Variants in EXOC4 observed in about 807,000 individuals in gnomAD.
EXOC4 encodes the protein exocyst complex component 4, also known as SEC8-like 1.
A neutral mutation model predicts 107.2 loss-of-function variants in EXOC4; 71 were observed. That is an observed-to-expected ratio of 0.66 (90% CI 0.55 to 0.81). The LOEUF is 0.81. Among genes scored for constraint, EXOC4 ranks in the 30% least tolerant of loss-of-function variants. EXOC4 has a pLI of 0.00. For missense variants in EXOC4, 1,108 were observed against 1,189.6 expected, an observed-to-expected ratio of 0.93 and a Z score of 1.01; for synonymous variants, 456 against 441.2, an observed-to-expected ratio of 1.03 and a Z score of -0.42.
intron 9 of EXOC4, chr7:133,480,406 A>G (rs1799126908): frequency 8.1e-7 from 1 of 1,236,744 alleles, no homozygotes; most frequent in African/African-American, 1.5e-5. Context: ...CTTAAACAGA[A>G]GACCTGAGTC....
At chr7:133,478,749 A>G (rs1236924122) in intron 8 of EXOC4, among the ~76,000 whole-genome samples, 3 of 152,114 alleles carry the variant, frequency 2.0e-5, no homozygotes, top group African/African-American at 7.2e-5. Context: ...GTGCCTCTCT[A>G]TTCTTTGCTT....
chr7:133,655,420 A>T (rs188685878), intron 10 of EXOC4, among the ~76,000 whole-genome samples: 6 of 152,300 alleles, frequency 3.9e-5, no homozygotes, highest in Admixed American at 2.6e-4. Context: ...GTATAATAGA[A>T]CACCTGAACA....
intron 9 of EXOC4, among the ~76,000 whole-genome samples, chr7:133,590,971 G>GGCTGATACAGGGCTCAGCCCT: frequency 1.3e-5 from 2 of 152,254 alleles, no homozygotes; most frequent in African/African-American, 4.8e-5. Context: ...ACTGCTACAT[G>GGCTGATACAGGGCTCAGCCCT]GCTGATACAG....
At chr7:133,298,071 A>G (rs1794558668) in intron 3 of EXOC4, among the ~76,000 whole-genome samples, 1 of 152,152 alleles carries the variant, frequency 6.6e-6, no homozygotes, top group Admixed American at 6.5e-5. Context: ...GAACTTGATG[A>G]TGGTCTGAGA....
chr7:133,314,908 A>G (rs914515980), intron 4 of EXOC4: 1 of 152,218 alleles, frequency 6.6e-6, no homozygotes, highest in Non-Finnish European at 1.5e-5. Flanking sequence ...TAGCAGTACC[A>G]TAAACCTGTG....
At chr7:133,708,615 A>G (rs1406262314) in intron 10 of EXOC4, among the ~76,000 whole-genome samples, 1 of 152,178 alleles carries the variant, frequency 6.6e-6, no homozygotes, top group Non-Finnish European at 1.5e-5. Context: ...CTTCCCGTTC[A>G]TTCTCTCATT....
At chr7:134,072,843 C>G in the EXOC4 span, among the ~76,000 whole-genome samples, 1 of 152,122 alleles carries the variant, frequency 6.6e-6, no homozygotes, top group Non-Finnish European at 1.5e-5. Flanking sequence ...TTCAGACACA[C>G]TATCAAGAAA....
intron 9 of EXOC4, among the ~76,000 whole-genome samples, chr7:133,592,051 C>T (rs1009592877): frequency 2.0e-5 from 3 of 151,818 alleles, no homozygotes; most frequent in Non-Finnish European, 4.4e-5. Flanking sequence ...TCTTTGCAGG[C>T]ATTTCTTTTC....
At chr7:133,553,755 AT>A (rs1268959048) in intron 9 of EXOC4, among the ~76,000 whole-genome samples, 1 of 152,028 alleles carries the variant, frequency 6.6e-6, no homozygotes, top group Non-Finnish European at 1.5e-5. Flanking sequence ...ACCGAATTTG[AT>A]TTTCTGTTGT....
At chr7:133,579,396 A>G (rs1451784045) in intron 9 of EXOC4, among the ~76,000 whole-genome samples, 1 of 152,190 alleles carries the variant, frequency 6.6e-6, no homozygotes, top group Non-Finnish European at 1.5e-5. Flanking sequence ...CAGTATGTAT[A>G]TCTTTTGGTG....
At chr7:133,917,514 G>A in intron 12 of EXOC4, 69 bp from the exon 13 acceptor site, 1 of 1,477,500 alleles carries the variant, frequency 6.8e-7, no homozygotes, top group South Asian at 1.3e-5. Flanking sequence ...TGCAGCAAAG[G>A]TAGATGAAAA....
intron 9 of EXOC4, among the ~76,000 whole-genome samples, chr7:133,599,348 G>T (rs531576236): frequency 6.6e-6 from 1 of 152,140 alleles, no homozygotes; most frequent in Non-Finnish European, 1.5e-5. Flanking sequence ...ATACAGCTGG[G>T]CATTATCTTT....
At chr7:133,591,220 T>C (rs1023593287) in intron 9 of EXOC4, among the ~76,000 whole-genome samples, 1 of 152,132 alleles carries the variant, frequency 6.6e-6, no homozygotes, top group Non-Finnish European at 1.5e-5. Flanking sequence ...TTTTTGGAGA[T>C]GGAATCTCAC....
At chr7:133,262,441 A>G (rs947245123) in intron 1 of EXOC4, among the ~76,000 whole-genome samples, 2 of 152,124 alleles carry the variant, frequency 1.3e-5, no homozygotes, top group African/African-American at 4.8e-5. Context: ...GTAATAAGGG[A>G]AAATTCTTGT....
At chr7:133,823,888 A>AT (rs1797622513) in intron 11 of EXOC4, among the ~76,000 whole-genome samples, 3 of 22,204 alleles carry the variant, frequency 1.4e-4, no homozygotes, top group African/African-American at 6.2e-4. Context: ...ATATATATAT[A>AT]TATATTTTAT....
At chr7:133,261,595 G>A (rs1001365915) in intron 1 of EXOC4, among the ~76,000 whole-genome samples, 4 of 152,096 alleles carry the variant, frequency 2.6e-5, no homozygotes, top group African/African-American at 9.7e-5. Flanking sequence ...ATGGTGGTTG[G>A]TTTTGGATAT....
At chr7:133,661,672 TAAAAAAAAAAAAAAAAC>T (rs936470050) in intron 10 of EXOC4, among the ~76,000 whole-genome samples, 1 of 13,450 alleles carries the variant, frequency 7.4e-5, no homozygotes, top group Non-Finnish European at 1.5e-4. Flanking sequence ...TCCTTAAAAC[TAAAAAAAAAAAAAAAAC>T]AAAAAAAAAA....
chr7:133,796,499 C>T (rs1262991198), intron 10 of EXOC4, among the ~76,000 whole-genome samples: 1 of 152,136 alleles, frequency 6.6e-6, no homozygotes, highest in Non-Finnish European at 1.5e-5. Context: ...GTGGCTCACC[C>T]CTGTAATCCC....
chr7:133,470,770 G>A lies in EXOC4; in HGVS notation c.1183-4558G>A, dbSNP rs144427647. On this transcript the variant is annotated intron_variant, in intron 7 of 17. Transcript: ENST00000253861. Reference sequence around the variant, plus strand: ...GAATTGAGAGCCAACAAGAATGTGGGATCCTGCACATTTTCTGTAGACAGA... The same window carrying A: ...GAATTGAGAGCCAACAAGAATGTGGAATCCTGCACATTTTCTGTAGACAGA... 4.0e-3 allele frequency among the ~76,000 whole-genome samples: 602 copies of A among 152,292 alleles called. 6 individuals carry two copies. The highest frequency in any genetic ancestry group is 9.6e-3 in the East Asian group (50 of 5,186).
Sources: gnomAD v4.1 joint callset for allele counts (sites outside exome capture counted in the v4.1 genomes callset) on GRCh38, gnomAD v4.1.1 for gene constraint, MANE v1.5 for transcripts, NCBI Gene and HGNC (gene_info 2026-07-23, HGNC 2026-07-21) for gene names.